Variants in VPS13D observed in about 807,000 individuals in gnomAD.
VPS13D encodes the protein intermembrane lipid transfer protein VPS13D.
Under a neutral mutation model 461.9 loss-of-function variants are expected in VPS13D, and 187 were observed. The ratio of observed to expected loss-of-function variants is 0.40; its 90% CI spans 0.36 to 0.46. The LOEUF (loss-of-function observed/expected upper bound fraction) is 0.46, where lower values mean the gene tolerates loss of function less well. Ranked by LOEUF, VPS13D falls within the 20% of genes least tolerant of loss-of-function variation. VPS13D has a pLI of 0.60. For synonymous variants in VPS13D, 1,951 were observed against 1,986.3 expected (o/e 0.98, Z 0.47); for missense variants, 4,711 against 5,364.9 (o/e 0.88, Z 3.81).
intron 3 of VPS13D, among the ~76,000 whole-genome samples, chr1:12,243,180 C>T (rs1359756704): frequency 6.6e-5 from 10 of 152,208 alleles, no homozygotes; most frequent in African/African-American, 2.4e-4. Context: ...GTCTTGAACT[C>T]CTGACCTCAG....
At chr1:12,369,384 T>A (rs1484742675) in intron 53 of VPS13D, 83 bp from the exon 54 acceptor site, 2 of 1,267,548 alleles carry the variant, frequency 1.6e-6, no homozygotes, top group Non-Finnish European at 2.2e-6. Context: ...GATTTGGAAC[T>A]TAAACCTACA....
At chr1:12,295,236 A>AC (rs543154893) in intron 24 of VPS13D, among the ~76,000 whole-genome samples, 6,798 of 150,692 alleles carry the variant, frequency 0.045, 188 homozygotes, top group South Asian at 0.061. Flanking sequence ...AAAAAAAAAA[A>AC]AAAACAAAAC....
At chr1:12,293,002 T>C (rs550004472) in intron 23 of VPS13D, among the ~76,000 whole-genome samples, 1 of 152,322 alleles carries the variant, frequency 6.6e-6, no homozygotes, top group East Asian at 1.9e-4. Flanking sequence ...CCATGCTCCA[T>C]TAAACTCAGA....
chr1:12,461,548 A>T (rs969007934), intron 67 of VPS13D, among the ~76,000 whole-genome samples: 31 of 152,200 alleles, frequency 2.0e-4, no homozygotes, highest in Non-Finnish European at 4.4e-5. Context: ...TGAAGCATTT[A>T]TGAAGTTGTG....
chr1:12,397,214 G>A (rs944521686), intron 60 of VPS13D, among the ~76,000 whole-genome samples: 4 of 152,198 alleles, frequency 2.6e-5, no homozygotes, highest in Admixed American at 2.0e-4. Flanking sequence ...GATTACAGGC[G>A]TGAGCCACCA....
intron 60 of VPS13D, among the ~76,000 whole-genome samples, chr1:12,399,033 A>G (rs1001338056): frequency 2.0e-5 from 3 of 152,192 alleles, no homozygotes; most frequent in Admixed American, 6.5e-5. Context: ...GCAAACCCTT[A>G]GTTTAACCAC....
At chr1:12,493,615 T>C (rs183333641) in intron 67 of VPS13D, among the ~76,000 whole-genome samples, 1 of 152,292 alleles carries the variant, frequency 6.6e-6, no homozygotes, top group Non-Finnish European at 1.5e-5. Flanking sequence ...TGCTGTTACA[T>C]GGTCATACTC....
intron 58 of VPS13D, among the ~76,000 whole-genome samples, chr1:12,383,587 G>A (rs1452843470): frequency 6.6e-6 from 1 of 152,148 alleles, no homozygotes; most frequent in African/African-American, 2.4e-5. Flanking sequence ...TTTAGAGGGT[G>A]GGGAGCTTCC....
chr1:12,319,188 A>G (rs377426118), intron 31 of VPS13D, among the ~76,000 whole-genome samples: 1 of 152,306 alleles, frequency 6.6e-6, no homozygotes, highest in East Asian at 1.9e-4. Flanking sequence ...GAACTTCTGA[A>G]TATCTCCTAG....
intron 65 of VPS13D, among the ~76,000 whole-genome samples, chr1:12,451,172 G>A (rs1164843337): frequency 6.6e-6 from 1 of 152,188 alleles, no homozygotes; most frequent in Non-Finnish European, 1.5e-5. Context: ...TTGAATTTCA[G>A]TTTTAGAAAA....
chr1:12,394,539 C>G (rs115258223), intron 60 of VPS13D, among the ~76,000 whole-genome samples: 5 of 152,140 alleles, frequency 3.3e-5, no homozygotes, highest in Non-Finnish European at 5.9e-5. Flanking sequence ...CTGTTCCCAC[C>G]GTTAGATCTG....
At chr1:12,406,541 T>C (rs1377321746) in intron 63 of VPS13D, among the ~76,000 whole-genome samples, 1 of 152,196 alleles carries the variant, frequency 6.6e-6, no homozygotes, top group Non-Finnish European at 1.5e-5. Context: ...TGAGGGTACA[T>C]TGTTGCCAGA....
chr1:12,451,688 C>T (rs1645263725), intron 65 of VPS13D, among the ~76,000 whole-genome samples: 1 of 152,206 alleles, frequency 6.6e-6, no homozygotes, highest in South Asian at 2.1e-4. Flanking sequence ...AGAAGCCTAG[C>T]ACACCCTGGT....
At chr1:12,365,578 C>T (rs1427570073) in intron 52 of VPS13D, among the ~76,000 whole-genome samples, 1 of 151,990 alleles carries the variant, frequency 6.6e-6, no homozygotes, top group African/African-American at 2.4e-5. Context: ...GTGGTGTGCA[C>T]CTGTAATCCC....
chr1:12,306,913 C>T (rs1642582318), intron 26 of VPS13D, among the ~76,000 whole-genome samples: 1 of 152,230 alleles, frequency 6.6e-6, no homozygotes, highest in Admixed American at 6.5e-5. Flanking sequence ...GCTGATCTGA[C>T]AGTAGGCAGA....
intron 50 of VPS13D, among the ~76,000 whole-genome samples, chr1:12,361,769 T>C (rs1643954490): frequency 1.3e-5 from 2 of 152,210 alleles, no homozygotes; most frequent in Admixed American, 6.5e-5. Flanking sequence ...TGGAACCGGC[T>C]GTCTTGAGAT....
intron 60 of VPS13D, among the ~76,000 whole-genome samples, chr1:12,397,568 G>A (rs756071095): frequency 1.3e-5 from 2 of 152,196 alleles, no homozygotes; most frequent in Non-Finnish European, 2.9e-5. Context: ...AGCATCAAGT[G>A]TGTGCCCGAC....
chr1:12,333,965 G>A lies in VPS13D; in HGVS notation c.8428+599G>A, dbSNP rs190044625. Among the ~76,000 whole-genome samples, 16 of 152,340 alleles carry A rather than the reference G, an allele frequency of 1.1e-4. No homozygotes were observed. The East Asian group carries it at 3.1e-3, about 29-fold the overall frequency. The stretch of plus-strand genomic sequence containing the variant: ...CAATATAATCATACAATCAAGTAGT[G>A]TGTACCTTCACTGTGAAAACTCACA... On this transcript the variant is annotated intron_variant, in intron 38 of 69. Coordinates refer to ENST00000620676, the MANE Select transcript of VPS13D (RefSeq NM_015378.4).
At chr1:12,433,191 T>C (rs538356083) in intron 65 of VPS13D, among the ~76,000 whole-genome samples, 7 of 152,068 alleles carry the variant, frequency 4.6e-5, no homozygotes, top group Admixed American at 1.3e-4. Flanking sequence ...AGCCACACTG[T>C]CCTCCCTGGA....
Sources: gnomAD v4.1 joint callset for allele counts (sites outside exome capture counted in the v4.1 genomes callset) on GRCh38, gnomAD v4.1.1 for gene constraint, MANE v1.5 for transcripts, NCBI Gene and HGNC (gene_info 2026-07-23, HGNC 2026-07-21) for gene names.